The following PRKX variants were observed in gnomAD, a reference collection of about 807,000 sequenced individuals.
PRKX encodes the protein cAMP-dependent protein kinase catalytic subunit PRKX.
In PRKX, 12 loss-of-function variants were observed where a neutral mutation model predicts 22.0. The observed-to-expected ratio is 0.54, with a 90% CI of 0.35 to 0.88. The LOEUF (loss-of-function observed/expected upper bound fraction) is 0.88. PRKX is among the 40% of genes least tolerant of loss of function. PRKX has a pLI of 0.01. For missense variants in PRKX, 217 were observed against 308.0 expected (o/e 0.70, Z 2.21); for synonymous variants, 134 against 137.7 (o/e 0.97, Z 0.19).
intron 1 of PRKX, among the ~76,000 whole-genome samples, chrX:3,693,794 G>A (rs1293962159): frequency 9.2e-6 from 1 of 108,624 alleles, no homozygotes; most frequent in African/African-American, 3.4e-5. Flanking sequence ...AAAAAAATTA[G>A]CCGGGTGTGG....
chrX:3,606,260 G>A lies in PRKX; in HGVS notation c.*2709C>T, dbSNP rs931800954. Reference sequence around the variant, plus strand: ...GATTGTTTGTCATGATCATCCATACGGACATTCTGCACCGTGATTGTTTCG... The same window carrying A: ...GATTGTTTGTCATGATCATCCATACAGACATTCTGCACCGTGATTGTTTCG... On this transcript the variant is annotated 3_prime_UTR_variant, in exon 9 of 9. Transcript: ENST00000262848. 4.4e-5 allele frequency: 5 copies of A among 112,618 alleles called. No homozygotes were observed. The East Asian group carries it at 8.3e-4, about 19-fold the overall frequency. The allele number at this position is 112,618 out of a possible 1,213,427, so 9.3% of individuals were successfully genotyped here.
In PRKX at chrX:3,625,587, T is replaced by C. The variant is rs188925764; in HGVS notation, c.815+832A>G. The stretch of plus-strand genomic sequence containing the variant: ...AGAAAACCAAAAGCATTCTTTTTTT[T>C]TTGAGACAGAATCTTGCTCTGTCGC... On this transcript the variant is annotated intron_variant, in intron 5 of 8. Coordinates refer to ENST00000262848, the MANE Select transcript of PRKX (RefSeq NM_005044.5). Among the ~76,000 whole-genome samples, 242 of 111,318 alleles carry C rather than the reference T, an allele frequency of 2.2e-3. 1 individual carries two copies. The highest frequency in any genetic ancestry group is 7.8e-3 in the African/African-American group (240 of 30,642).
intron 4 of PRKX, among the ~76,000 whole-genome samples, chrX:3,637,537 C>T (rs1420045236): frequency 2.7e-5 from 3 of 110,787 alleles, no homozygotes; most frequent in South Asian, 3.8e-4. Flanking sequence ...TTGGGGTCGG[C>T]GAAGCTGGTA....
chrX:3,678,534 C>T (rs949258552), intron 1 of PRKX, among the ~76,000 whole-genome samples: 1 of 112,115 alleles, frequency 8.9e-6, no homozygotes. Flanking sequence ...GAGCTGTGTG[C>T]ATTATAAACA....
At chrX:3,654,457 G>GTTTTTTTTTT (rs746800596) in intron 3 of PRKX, among the ~76,000 whole-genome samples, 1 of 43,348 alleles carries the variant, frequency 2.3e-5, no homozygotes, top group Non-Finnish European at 4.4e-5. Context: ...ATTCAATTTG[G>GTTTTTTTTTT]TTTTTTTTTT....
Position 3,688,209 on chromosome X carries a change from G to A in PRKX, c.167-13443C>T, listed in dbSNP as rs1208303607. Among the ~76,000 whole-genome samples the A allele has an allele frequency of 1.8e-5, 2 of 108,682 alleles. 1 individual carries two copies. Among genetic ancestry groups the A allele is most frequent in the Admixed American group, 2.0e-4 (2 of 10,243 alleles). The allele number at this position is 108,682 out of a possible 115,157, so 94.4% of individuals were successfully genotyped here. A position where few individuals can be genotyped will look rare whatever the true frequency, so the allele number is the denominator to read the frequency against. On this transcript the variant is annotated intron_variant, in intron 1 of 8. Coordinates refer to ENST00000262848, the MANE Select transcript of PRKX (RefSeq NM_005044.5). ...GCCTGTAATCCCAGCACTTTGGGAG[G>A]CCGAGGCAGGTGGATGATCTGAGGC...
chrX:3,674,538 G>A lies in PRKX; in HGVS notation c.335+60C>T, dbSNP rs1282425848. On this transcript the variant is annotated intron_variant, in intron 2 of 8. Transcript: ENST00000262848. ...TCTCGGCCCACCCAGCTTCTTATAA[G>A]AAGAGACACACAGGGGTCTAGGGAG... 3.5e-6 allele frequency: 4 copies of A among 1,151,912 alleles called. No individual in the cohort carries two copies. The African/African-American group carries it at 5.4e-5, about 15-fold the overall frequency. The allele number at this position is 1,151,912 out of a possible 1,213,427, so 94.9% of individuals were successfully genotyped here.
In PRKX at chrX:3,621,222, C is replaced by T. The variant is rs771382852; in HGVS notation, c.873+37G>A. On this transcript the variant is annotated intron_variant, in intron 6 of 8. Coordinates refer to ENST00000262848, the MANE Select transcript of PRKX (RefSeq NM_005044.5). ...GGTGTTAGACGGCAGACACGCACATCGGGTACCACTGAATACCCACGGGAT... is the reference window on the plus strand; with the variant it reads ...GGTGTTAGACGGCAGACACGCACATTGGGTACCACTGAATACCCACGGGAT... The T allele has an allele frequency of 4.3e-6, 5 of 1,151,838 alleles. No homozygotes were observed. The South Asian group carries it at 5.5e-5, about 13-fold the overall frequency. 94.9% of individuals were successfully genotyped at this position (1,151,838 alleles called of 1,213,427 possible). A position where few individuals can be genotyped will look rare whatever the true frequency, so the allele number is the denominator to read the frequency against.
chrX:3,709,235 G>C (rs73440602), intron 1 of PRKX, among the ~76,000 whole-genome samples: 2,854 of 107,792 alleles, frequency 0.026, 86 homozygotes, highest in African/African-American at 0.076. Flanking sequence ...CTTTAATAAG[G>C]ATATACCAAC....
At chrX:3,647,636 G>A (rs1438473325) in intron 3 of PRKX, among the ~76,000 whole-genome samples, 1 of 106,485 alleles carries the variant, frequency 9.4e-6, no homozygotes, top group Non-Finnish European at 1.9e-5. Flanking sequence ...TTATTTATGT[G>A]TAAATATTAC....
intron 2 of PRKX, among the ~76,000 whole-genome samples, chrX:3,664,347 C>T (rs1030258508): frequency 1.8e-5 from 2 of 112,108 alleles, no homozygotes; most frequent in African/African-American, 6.5e-5. Flanking sequence ...AGCAATTCTC[C>T]CACCTCAGCC....
At chrX:3,652,290 C>T (rs1002436032) in intron 3 of PRKX, among the ~76,000 whole-genome samples, 4 of 110,592 alleles carry the variant, frequency 3.6e-5, no homozygotes, top group African/African-American at 1.3e-4. Flanking sequence ...TGGTGGCGGG[C>T]GCCCGTAGTC....
At chrX:3,661,450 T>G (rs1313721521) in intron 2 of PRKX, among the ~76,000 whole-genome samples, 3 of 109,548 alleles carry the variant, frequency 2.7e-5, no homozygotes, top group African/African-American at 1.0e-4. Flanking sequence ...CTGCAAAAAA[T>G]AAAAAGATTA....
chrX:3,704,146 C>T (rs1011469104), intron 1 of PRKX, among the ~76,000 whole-genome samples: 16 of 111,997 alleles, frequency 1.4e-4, no homozygotes, highest in Non-Finnish European at 2.1e-4. Flanking sequence ...AGCGTGAAAA[C>T]GCTCCAGAAA....
At chrX:3,706,691 G>A (rs979985122) in intron 1 of PRKX, among the ~76,000 whole-genome samples, 4 of 112,115 alleles carry the variant, frequency 3.6e-5, no homozygotes, top group African/African-American at 1.3e-4. Context: ...TCTTTGCAGC[G>A]TGCCCATGAA....
At chrX:3,713,056 T>A (rs759270417) in intron 1 of PRKX, 32 bp downstream of exon 1, 54 of 1,143,905 alleles carry the variant, frequency 4.7e-5, no homozygotes, top group South Asian at 1.6e-4. Flanking sequence ...CGCGCGCCCC[T>A]GTGGGCCGAG....
Position 3,655,457 on chromosome X carries a change from G to T in PRKX, c.336-45C>A, listed in dbSNP as rs758072020. On this transcript the variant is annotated intron_variant, in intron 2 of 8. Coordinates refer to ENST00000262848, the MANE Select transcript of PRKX (RefSeq NM_005044.5). Reference sequence around the variant, plus strand: ...ATGCTCAGGGCCCCGCCAAGGCAGGGCAGGGGGTACGCCGTCAGCTAGGTG... The same window carrying T: ...ATGCTCAGGGCCCCGCCAAGGCAGGTCAGGGGGTACGCCGTCAGCTAGGTG... The T allele has an allele frequency of 5.0e-6, 6 of 1,203,643 alleles. No homozygotes were observed. The African/African-American group carries it at 1.0e-4, about 21-fold the overall frequency.
intron 2 of PRKX, among the ~76,000 whole-genome samples, chrX:3,665,921 TGGATGGGGATGG>T (rs202131676): frequency 1.1e-5 from 1 of 94,633 alleles, no homozygotes; most frequent in Non-Finnish European, 2.1e-5. Context: ...GTTCTGGAGA[TGGATGGGGATGG>T]GGATGGGGAT....
chrX:3,700,425 A>G (rs767914535), intron 1 of PRKX, among the ~76,000 whole-genome samples: 15 of 112,634 alleles, frequency 1.3e-4, no homozygotes, highest in East Asian at 5.6e-4. Flanking sequence ...CTATTTAAGG[A>G]TAAACTAAAC....
Sources: gnomAD v4.1 joint callset for allele counts (sites outside exome capture counted in the v4.1 genomes callset) on GRCh38, gnomAD v4.1.1 for gene constraint, MANE v1.5 for transcripts, NCBI Gene and HGNC (gene_info 2026-07-23, HGNC 2026-07-21) for gene names.